Variants in NR4A1 observed in about 807,000 individuals in gnomAD.
NR4A1 encodes nuclear receptor subfamily 4 group A member 1, also known as nuclear receptor subfamily 4immunitygroup A member 1.
Under a neutral mutation model 47.5 loss-of-function variants are expected in NR4A1, and 24 were observed. The observed-to-expected ratio is 0.50, with a 90% CI of 0.37 to 0.71. The LOEUF (loss-of-function observed/expected upper bound fraction) is 0.71. NR4A1 is among the 30% of genes least tolerant of loss of function. NR4A1 has a pLI of 0.00. For synonymous variants in NR4A1, 353 were observed against 345.7 expected (o/e 1.02, Z -0.24); for missense variants, 669 against 788.6 (o/e 0.85, Z 1.82).
chr12:52,054,457 C>T lies in NR4A1; in HGVS notation c.129C>T (p.Ala43=). 1 of 1,613,772 alleles carries T rather than the reference C, an allele frequency of 6.2e-7. No individual in the cohort carries two copies. Among genetic ancestry groups the T allele is most frequent in the Non-Finnish European group, 8.5e-7 (1 of 1,179,982 alleles). The part of the protein sequence containing the change: ...PTMDLASPEA[A]PAAPTALPSF... Reference sequence around the variant, plus strand: ...TGGACCTGGCCAGCCCCGAGGCAGCCCCCGCTGCCCCCACTGCCCTGCCCA... The same window carrying T: ...TGGACCTGGCCAGCCCCGAGGCAGCTCCCGCTGCCCCCACTGCCCTGCCCA... Residue 43 remains alanine, a synonymous_variant, in exon 2 of 7, where the codon GCC becomes GCT. Coordinates refer to ENST00000394825, the MANE Select transcript of NR4A1 (RefSeq NM_173157.3).
At chr12:52,036,478 A>G (rs1176566692) in intron 1 of NR4A1, among the ~76,000 whole-genome samples, 1 of 152,204 alleles carries the variant, frequency 6.6e-6, no homozygotes, top group Non-Finnish European at 1.5e-5. Flanking sequence ...GATATGGTGG[A>G]TAATCTGATC....
rs772619972 is a variant in NR4A1, at chr12:52,057,128, C to G, written c.1230C>G (p.Leu410=). Reference sequence around the variant, plus strand: ...ATGTACAGCAGTTCTACGACCTGCTCTCCGGTTCTCTGGAGGTCATCCGCA... The same window carrying G: ...ATGTACAGCAGTTCTACGACCTGCTGTCCGGTTCTCTGGAGGTCATCCGCA... The part of the protein sequence containing the change: ...AGDVQQFYDL[L]SGSLEVIRKW... Residue 410 remains leucine (L), a synonymous_variant, in exon 5 of 7, where the codon CTC becomes CTG. Coordinates refer to ENST00000394825, the MANE Select transcript of NR4A1 (RefSeq NM_173157.3). The G allele has an allele frequency of 9.9e-6, 16 of 1,613,790 alleles. No individual in the cohort carries two copies. The highest frequency in any genetic ancestry group is 1.0e-5 in the Non-Finnish European group (12 of 1,179,906).
intron 1 of NR4A1, among the ~76,000 whole-genome samples, chr12:52,052,998 G>A (rs1353639931): frequency 1.3e-5 from 2 of 152,146 alleles, no homozygotes; most frequent in East Asian, 3.9e-4. Flanking sequence ...GGAAGGCTAG[G>A]ACCAGAGAGG....
rs1939414074 is a variant in NR4A1 at position 52,058,840 on chromosome 12, C to G, written c.1693C>G (p.Leu565Val). ...GGGCAAACTGCCCGAGCTGCGGACCCTGTGCACCCAGGGCCTGCAGCGCAT... is the reference window on the plus strand; with the variant it reads ...GGGCAAACTGCCCGAGCTGCGGACCGTGTGCACCCAGGGCCTGCAGCGCAT... ...LLGKLPELRT[L>V]CTQGLQRIFY... Residue 565 changes from leucine to valine, a missense_variant, in exon 7 of 7, where the codon CTG becomes GTG. By Grantham distance (32) the Leu-to-Val change is conservative (BLOSUM62 1). Coordinates refer to ENST00000394825, the MANE Select transcript of NR4A1 (RefSeq NM_173157.3). 3 of 1,613,950 alleles carry G rather than the reference C, an allele frequency of 1.9e-6. No homozygotes were observed. Among genetic ancestry groups the G allele is most frequent in the Non-Finnish European group, 2.5e-6 (3 of 1,179,998 alleles).
chr12:52,057,577 G>C, intron 6 of NR4A1, 47 bp downstream of exon 6: 2 of 1,602,432 alleles, frequency 1.2e-6, no homozygotes, highest in Non-Finnish European at 8.5e-7. Context: ...GGCGTCAGGG[G>C]GTTGACTGGT....
chr12:52,041,572 C>T (rs982600780), intron 1 of NR4A1, among the ~76,000 whole-genome samples: 1 of 152,116 alleles, frequency 6.6e-6, no homozygotes, highest in African/African-American at 2.4e-5. Flanking sequence ...TCTGAAATGC[C>T]CCAGATGCTA....
In NR4A1 at chr12:52,054,979, G is replaced by C. The variant is rs1939180436; in HGVS notation, c.651G>C (p.Gln217His). 2 of 1,614,224 alleles carry C rather than the reference G, an allele frequency of 1.2e-6. No homozygotes were observed. Among genetic ancestry groups the C allele is most frequent in the South Asian group, 2.2e-5 (2 of 91,088 alleles). ...TGTTCCCCTCACAGGCCACCCACCA[G>C]CTGGGGGAGGGAGAGAGCTATTCCA... ...LKLFPSQATHQLGEGESYSMP... is the reference protein window; with the variant it reads ...LKLFPSQATHHLGEGESYSMP... The change falls in exon 2 of 7, where the codon CAG becomes CAC. Residue 217 changes from glutamine to histidine, a missense_variant. Physicochemically the swap from Gln to His is conservative, Grantham distance 24. Coordinates refer to ENST00000394825, the MANE Select transcript of NR4A1 (RefSeq NM_173157.3).
rs1244477849 is a variant in NR4A1, at chr12:52,057,347, G to A, written c.1362-5G>A. 1.9e-6 allele frequency: 3 copies of A among 1,614,004 alleles called. No homozygotes were observed. Among genetic ancestry groups the A allele is most frequent in the East Asian group, 4.5e-5 (2 of 44,898 alleles). Reference sequence around the variant, plus strand: ...GATCGCTCTTCGTGCCCATCTGCCTGCCAGGTCTAAGCCAGGCGAGGGCAA... The same window carrying A: ...GATCGCTCTTCGTGCCCATCTGCCTACCAGGTCTAAGCCAGGCGAGGGCAA... On this transcript the variant is annotated splice_region_variant and splice_polypyrimidine_tract_variant and intron_variant, in intron 5 of 6. Transcript: ENST00000394825.
At chr12:52,041,845 C>T (rs762158355) in exon 2 of NR4A1, 1 of 1,510,240 alleles carries the variant, frequency 6.6e-7, no homozygotes, top group South Asian at 1.3e-5. Flanking sequence ...CCCTGCCCCT[C>T]CCAGGCAGCC....
intron 1 of NR4A1, among the ~76,000 whole-genome samples, chr12:52,041,131 T>G (rs1196045663): frequency 1.3e-5 from 2 of 152,112 alleles, no homozygotes; most frequent in Admixed American, 6.5e-5. Flanking sequence ...TCTCCTAATA[T>G]TGATATGTAG....
At chr12:52,048,126 C>T (rs1938739206), upstream of NR4A1, among the ~76,000 whole-genome samples, 1 of 151,340 alleles carries the variant, frequency 6.6e-6, no homozygotes, top group Admixed American at 6.6e-5. Flanking sequence ...TTCACTCTAG[C>T]CTGGGCGACA....
chr12:52,023,416 T>G (rs1185989052), intron 1 of NR4A1, among the ~76,000 whole-genome samples: 1 of 152,170 alleles, frequency 6.6e-6, no homozygotes, highest in Non-Finnish European at 1.5e-5. Flanking sequence ...GGTTATGCTT[T>G]GCTGGGATCT....
chr12:52,050,316 G>A (rs1938859728), upstream of NR4A1, among the ~76,000 whole-genome samples: 1 of 152,152 alleles, frequency 6.6e-6, no homozygotes, highest in Non-Finnish European at 1.5e-5. Flanking sequence ...GGCTGGGAGG[G>A]CCGGTGCTCC....
In NR4A1 at chr12:52,054,964, A is replaced by T; in HGVS notation, c.636A>T (p.Ser212=). 6.2e-7 allele frequency: 1 copy of T among 1,614,058 alleles called. No individual in the cohort carries two copies. Among genetic ancestry groups the T allele is most frequent in the Non-Finnish European group, 8.5e-7 (1 of 1,180,010 alleles). ...AGAGCCCCCTGAAGTTGTTCCCCTC[A>T]CAGGCCACCCACCAGCTGGGGGAGG... The part of the protein sequence containing the change: ...LAQSPLKLFP[S]QATHQLGEGE... The change falls in exon 2 of 7, where the codon TCA becomes TCT. Residue 212 remains serine (S), a synonymous_variant. Transcript: ENST00000394825.
At chr12:52,044,734 G>A (rs1938569028) in intron 2 of NR4A1, among the ~76,000 whole-genome samples, 1 of 152,176 alleles carries the variant, frequency 6.6e-6, no homozygotes, top group Non-Finnish European at 1.5e-5. Flanking sequence ...GCAGAGGCAA[G>A]GGAATTTGGT....
At chr12:52,049,879 AGGGTGT>A (rs1479033464), upstream of NR4A1, among the ~76,000 whole-genome samples, 2 of 151,882 alleles carry the variant, frequency 1.3e-5, no homozygotes, top group Non-Finnish European at 2.9e-5. Flanking sequence ...GCTGGAGACA[AGGGTGT>A]GGGAAAACTG....
rs781539365 is a variant in NR4A1, at chr12:52,058,967, C to T, written c.*23C>T. On this transcript the variant is annotated 3_prime_UTR_variant, in exon 7 of 7. Transcript: ENST00000394825. Reference sequence around the variant, plus strand: ...TGACCCCTGCCTGGGAACACGTGTGCACATGCGCACTCTCATATGCCACCC... The same window carrying T: ...TGACCCCTGCCTGGGAACACGTGTGTACATGCGCACTCTCATATGCCACCC... The T allele has an allele frequency of 5.6e-6, 9 of 1,596,272 alleles. No homozygotes were observed. The highest frequency in any genetic ancestry group is 6.0e-6 in the Non-Finnish European group (7 of 1,167,234).
intron 1 of NR4A1, among the ~76,000 whole-genome samples, chr12:52,040,940 G>A (rs1395822274): frequency 6.6e-6 from 1 of 152,186 alleles, no homozygotes; most frequent in East Asian, 1.9e-4. Context: ...AAGAAGAGAA[G>A]GGGAGATGTG....
chr12:52,052,763 C>T (rs1939052954), intron 1 of NR4A1: 8 of 687,404 alleles, frequency 1.2e-5, no homozygotes, highest in African/African-American at 1.9e-5. Flanking sequence ...CAGGAACAAG[C>T]GCCCAGTTCT....
Sources: gnomAD v4.1 joint callset for allele counts (sites outside exome capture counted in the v4.1 genomes callset) on GRCh38, gnomAD v4.1.1 for gene constraint, MANE v1.5 for transcripts, NCBI Gene and HGNC (gene_info 2026-07-23, HGNC 2026-07-21) for gene names.